RBFOX1: variants seen among roughly 807,000 people sequenced by gnomAD.
The protein encoded by RBFOX1 is RNA binding fox-1 homolog 1, also known as RNA binding protein fox-1 homolog 1.
A neutral mutation model predicts 57.7 loss-of-function variants in RBFOX1; 8 were observed. That is an observed-to-expected ratio of 0.14 (90% CI 0.08 to 0.25). The LOEUF (loss-of-function observed/expected upper bound fraction) is 0.25. Ranked by LOEUF, RBFOX1 falls within the 10% of genes least tolerant of loss-of-function variation. The pLI is 1.00. For synonymous variants in RBFOX1, 326 were observed against 222.4 expected, an observed-to-expected ratio of 1.47 and a Z score of -4.15; for missense variants, 611 against 548.5, an observed-to-expected ratio of 1.11 and a Z score of -1.14.
intron 4 of RBFOX1, among the ~76,000 whole-genome samples, chr16:7,348,635 C>G (rs533745882): frequency 2.2e-4 from 34 of 152,114 alleles, no homozygotes; most frequent in Non-Finnish European, 1.0e-4. Flanking sequence ...CAAAACAATC[C>G]TATAGATTAC....
chr16:5,776,330 G>A (rs1440118369), intron 3 of RBFOX1, among the ~76,000 whole-genome samples: 1 of 152,204 alleles, frequency 6.6e-6, no homozygotes, highest in Non-Finnish European at 1.5e-5. Flanking sequence ...TCCACTCTGT[G>A]TGTTCTTTTT....
intron 3 of RBFOX1, among the ~76,000 whole-genome samples, chr16:5,613,345 A>G (rs998204898): frequency 1.6e-4 from 24 of 152,168 alleles, no homozygotes; most frequent in African/African-American, 5.8e-4. Flanking sequence ...CAGGTTCTTG[A>G]CAGAGGGAGG....
chr16:7,361,409 G>T (rs918373069), intron 4 of RBFOX1, among the ~76,000 whole-genome samples: 6 of 152,184 alleles, frequency 3.9e-5, no homozygotes, highest in Admixed American at 1.3e-4. Flanking sequence ...AAAGAACGAG[G>T]CTGCGGCACT....
intron 1 of RBFOX1, among the ~76,000 whole-genome samples, chr16:5,346,554 A>C (rs1471436602): frequency 1.3e-5 from 2 of 152,180 alleles, no homozygotes; most frequent in African/African-American, 2.4e-5. Flanking sequence ...ATCACCCTAC[A>C]TCTGGGGCTC....
intron 10 of RBFOX1, among the ~76,000 whole-genome samples, chr16:7,626,291 AG>A (rs1419072491): frequency 6.6e-6 from 1 of 152,180 alleles, no homozygotes; most frequent in East Asian, 1.9e-4. Context: ...CTGCCCCTTC[AG>A]GGGCCAGGAA....
intron 3 of RBFOX1, among the ~76,000 whole-genome samples, chr16:6,885,819 C>G (rs1013553744): frequency 1.3e-5 from 2 of 152,220 alleles, no homozygotes; most frequent in Admixed American, 1.3e-4. Context: ...GCATGAATCA[C>G]TGCACCCGGC....
intron 1 of RBFOX1, among the ~76,000 whole-genome samples, chr16:5,266,295 C>A (rs531322770): frequency 3.3e-5 from 5 of 152,104 alleles, no homozygotes; most frequent in Middle Eastern, 3.2e-3. Context: ...CCTGGACTCA[C>A]TGGATGCAGT....
intron 1 of RBFOX1, among the ~76,000 whole-genome samples, chr16:6,026,554 A>G (rs771794671): frequency 1.3e-5 from 2 of 152,204 alleles, no homozygotes; most frequent in Admixed American, 6.5e-5. Context: ...GTGGGAGGCA[A>G]TGTGTGCAGT....
intron 1 of RBFOX1, among the ~76,000 whole-genome samples, chr16:6,020,403 G>A (rs1485764202): frequency 6.6e-6 from 1 of 152,172 alleles, no homozygotes; most frequent in Non-Finnish European, 1.5e-5. Context: ...TCCGCCCGCA[G>A]GGTGTGCAGG....
chr16:7,092,549 A>G (rs1408965675), intron 4 of RBFOX1, among the ~76,000 whole-genome samples: 2 of 152,168 alleles, frequency 1.3e-5, no homozygotes, highest in African/African-American at 4.8e-5. Context: ...CAATTCTTTG[A>G]TTATCAGTTG....
chr16:7,329,920 G>A (rs2096662393), intron 4 of RBFOX1, among the ~76,000 whole-genome samples: 1 of 152,018 alleles, frequency 6.6e-6, no homozygotes, highest in Non-Finnish European at 1.5e-5. Flanking sequence ...TTATATATAA[G>A]CATATATACA....
chr16:6,500,368 ACACT>A (rs1441932074), intron 2 of RBFOX1, among the ~76,000 whole-genome samples: 3 of 152,158 alleles, frequency 2.0e-5, no homozygotes, highest in Non-Finnish European at 4.4e-5. Flanking sequence ...ACACACACAC[ACACT>A]CAGAGCTTCT....
chr16:6,826,873 G>A (rs529852658), intron 3 of RBFOX1, among the ~76,000 whole-genome samples: 95 of 152,106 alleles, frequency 6.2e-4, no homozygotes, highest in African/African-American at 1.2e-3. Flanking sequence ...ATGTGTTTCC[G>A]TATGATGAAT....
chr16:5,773,714 T>G (rs1862071027), intron 3 of RBFOX1, among the ~76,000 whole-genome samples: 1 of 152,190 alleles, frequency 6.6e-6, no homozygotes, highest in Non-Finnish European at 1.5e-5. Flanking sequence ...TATTTTATTT[T>G]TGAGACAGAG....
At chr16:6,386,696 A>G (rs991872749) in intron 2 of RBFOX1, among the ~76,000 whole-genome samples, 1 of 152,242 alleles carries the variant, frequency 6.6e-6, no homozygotes, top group African/African-American at 2.4e-5. Context: ...GACACATAGT[A>G]GGAACTCAAG....
intron 4 of RBFOX1, among the ~76,000 whole-genome samples, chr16:5,965,994 C>G (rs148437940): frequency 3.3e-5 from 5 of 152,178 alleles, no homozygotes; most frequent in African/African-American, 9.7e-5. Flanking sequence ...ATTCTTGCTG[C>G]CCCCAACAGT....
chr16:5,933,500 T>A (rs545601373), intron 4 of RBFOX1, among the ~76,000 whole-genome samples: 2 of 152,288 alleles, frequency 1.3e-5, no homozygotes, highest in Non-Finnish European at 2.9e-5. Context: ...AATCTCCTTG[T>A]TTTCCTGATG....
At chr16:7,143,329 C>G (rs1055648542) in intron 4 of RBFOX1, among the ~76,000 whole-genome samples, 1 of 152,058 alleles carries the variant, frequency 6.6e-6, no homozygotes, top group East Asian at 1.9e-4. Flanking sequence ...CGACCCAGCT[C>G]TCAGGGAGAG....
At chr16:5,980,450 A>T (rs1255972258) in intron 4 of RBFOX1, among the ~76,000 whole-genome samples, 1 of 152,118 alleles carries the variant, frequency 6.6e-6, no homozygotes, top group Non-Finnish European at 1.5e-5. Context: ...CAGGAGGCCG[A>T]ATTCTCGCTC....
Sources: allele counts gnomAD v4.1 joint callset (sites outside exome capture counted in the v4.1 genomes callset), GRCh38; gene constraint gnomAD v4.1.1; transcripts MANE v1.5; gene names NCBI Gene and HGNC (gene_info 2026-07-23, HGNC 2026-07-21).